Variants in TM9SF3 observed in about 807,000 individuals in gnomAD.
TM9SF3 encodes the protein SM-11044-binding protein.
A neutral mutation model predicts 78.6 loss-of-function variants in TM9SF3; 14 were observed. The ratio of observed to expected loss-of-function variants is 0.18; its 90% CI spans 0.12 to 0.28. TM9SF3 has a LOEUF of 0.28. TM9SF3 is among the 10% of genes least tolerant of loss of function. The pLI is 1.00. For synonymous variants in TM9SF3, 231 were observed against 241.7 expected (o/e 0.96, Z 0.41); for missense variants, 496 against 721.9 (o/e 0.69, Z 3.59).
At position 96,518,953 on chromosome 10, in the gene TM9SF3, A is replaced by C. The variant is rs180775918; in HGVS notation, c.*3310T>G. 6.6e-6 allele frequency: 1 copy of C among 152,150 alleles called. No homozygotes were observed. The highest frequency in any genetic ancestry group is 6.5e-5 in the Admixed American group (1 of 15,278). 9.4% of individuals were successfully genotyped at this position (152,150 alleles called of 1,614,324 possible). On this transcript the variant is annotated 3_prime_UTR_variant, in exon 15 of 15. Coordinates refer to ENST00000371142, the MANE Select transcript of TM9SF3 (RefSeq NM_020123.4). ...TTATTACATGTTCCAATAAACCAATAGAATGAAGCACTAAGACACGGTGAA... is the reference window on the plus strand; with the variant it reads ...TTATTACATGTTCCAATAAACCAATCGAATGAAGCACTAAGACACGGTGAA...
intron 2 of TM9SF3, among the ~76,000 whole-genome samples, chr10:96,575,230 A>G (rs1265210567): frequency 2.0e-5 from 3 of 152,172 alleles, no homozygotes; most frequent in Admixed American, 6.5e-5. Flanking sequence ...AATGCACACC[A>G]AATACGGAAA....
chr10:96,536,764 C>A (rs1022948738), intron 9 of TM9SF3, among the ~76,000 whole-genome samples: 1 of 152,098 alleles, frequency 6.6e-6, no homozygotes, highest in African/African-American at 2.4e-5. Flanking sequence ...TAAAGAATAG[C>A]AAATACATTT....
chr10:96,530,551 G>A lies in TM9SF3; in HGVS notation c.1383C>T (p.Ile461=), dbSNP rs1408286988. ...TTATCAAAACTTACATTTCAATAAA[G>A]ATTGAACCAAAAGGTAAAATTCCAC... ...CLGGILPFGS[I]FIEMYFIFTS... The change falls in exon 11 of 15, where the codon ATC becomes ATT. Residue 461 remains isoleucine (I), a synonymous_variant. Coordinates refer to ENST00000371142, the MANE Select transcript of TM9SF3 (RefSeq NM_020123.4). 1 of 1,610,798 alleles carries A rather than the reference G, an allele frequency of 6.2e-7. No homozygotes were observed. The highest frequency in any genetic ancestry group is 8.5e-7 in the Non-Finnish European group (1 of 1,178,254).
chr10:96,551,133 G>T, intron 7 of TM9SF3, 112 bp downstream of exon 7: 1 of 896,684 alleles, frequency 1.1e-6, no homozygotes, highest in African/African-American at 1.7e-5. Flanking sequence ...ATCATAAACT[G>T]TAAGATAAAG....
chr10:96,571,567 G>A (rs1848436973), intron 2 of TM9SF3, among the ~76,000 whole-genome samples: 1 of 152,114 alleles, frequency 6.6e-6, no homozygotes, highest in Non-Finnish European at 1.5e-5. Context: ...ATATCTGGAG[G>A]GAAATACCGC....
At chr10:96,548,851 G>A (rs1029080539) in intron 7 of TM9SF3, among the ~76,000 whole-genome samples, 2 of 145,164 alleles carry the variant, frequency 1.4e-5, no homozygotes, top group African/African-American at 5.1e-5. Flanking sequence ...TCAGACATAC[G>A]ATTTTAAAAA....
intron 4 of TM9SF3, chr10:96,560,767 C>A: frequency 3.5e-6 from 2 of 566,922 alleles, no homozygotes; most frequent in South Asian, 1.4e-5. Context: ...GCACAAAAGT[C>A]AAATCAGAAT....
intron 6 of TM9SF3, 38 bp from the exon 7 acceptor site, chr10:96,551,449 T>C (rs375858338): frequency 7.9e-6 from 11 of 1,398,454 alleles, no homozygotes; most frequent in Non-Finnish European, 1.0e-5. Context: ...GAAAAGCAAA[T>C]CATTCAGAAT....
chr10:96,520,788 T>C lies in TM9SF3; in HGVS notation c.*1475A>G, dbSNP rs1317338722. On this transcript the variant is annotated 3_prime_UTR_variant, in exon 15 of 15. Transcript: ENST00000371142. ...GAACAGATTTTGTGCCACAATTTCA[T>C]TCAAAGGGTTTGTCATTCACTTTAT... is the stretch of plus-strand genomic sequence containing the variant. The C allele has an allele frequency of 1.5e-5, 6 of 395,278 alleles. No homozygotes were observed. Among genetic ancestry groups the C allele is most frequent in the Middle Eastern group, 6.3e-4 (1 of 1,586 alleles). The allele number at this position is 395,278 out of a possible 1,614,324, so 24.5% of individuals were successfully genotyped here.
chr10:96,532,462 T>C (rs187684650), intron 10 of TM9SF3, among the ~76,000 whole-genome samples: 21 of 151,992 alleles, frequency 1.4e-4, no homozygotes, highest in Admixed American at 7.2e-4. Context: ...GTAAAATATC[T>C]AGGGACAGAG....
Position 96,522,094 on chromosome 10 carries a change from T to C in TM9SF3, c.*169A>G, listed in dbSNP as rs1847782897. ...TTGGAGAAAGCAGTCAGGAAGAACC[T>C]AGGATCAATGGAAATAGATGTTACT... On this transcript the variant is annotated 3_prime_UTR_variant, in exon 15 of 15. Transcript: ENST00000371142. The C allele has an allele frequency of 3.2e-6, 2 of 620,746 alleles. No homozygotes were observed. Among genetic ancestry groups the C allele is most frequent in the Non-Finnish European group, 5.7e-6 (2 of 353,114 alleles). 38.5% of individuals were successfully genotyped at this position (620,746 alleles called of 1,614,324 possible). A position where few individuals can be genotyped will look rare whatever the true frequency, so the allele number is the denominator to read the frequency against.
intron 5 of TM9SF3, among the ~76,000 whole-genome samples, chr10:96,557,463 C>A (rs1350438737): frequency 6.6e-6 from 1 of 152,190 alleles, no homozygotes; most frequent in African/African-American, 2.4e-5. Flanking sequence ...CCTGCTACCA[C>A]CCTTGACTTC....
chr10:96,559,679 G>T lies in TM9SF3; in HGVS notation c.640C>A (p.Pro214Thr), dbSNP rs1332030582. 1 of 1,594,154 alleles carries T rather than the reference G, an allele frequency of 6.3e-7. No individual in the cohort carries two copies. The change falls in exon 5 of 15, where the codon CCG (proline) becomes ACG (threonine). Residue 214 changes from proline to threonine, a missense_variant. Coordinates refer to ENST00000371142, the MANE Select transcript of TM9SF3 (RefSeq NM_020123.4). Reference protein sequence around the residue: ...FEDRFDKYLDPSFFQHRIHWF... With the variant: ...FEDRFDKYLDTSFFQHRIHWF... Reference sequence around the variant, plus strand: ...CCTACCCGATGTTGAAAAAAGGACGGATCAAGATATTTGTCAAATCGATCT... The same window carrying T: ...CCTACCCGATGTTGAAAAAAGGACGTATCAAGATATTTGTCAAATCGATCT...
rs115823198 is a variant in TM9SF3 at position 96,520,919 on chromosome 10, G to A, written c.*1344C>T. 445 of 397,146 alleles carry A rather than the reference G, an allele frequency of 1.1e-3. 1 individual carries two copies. Among genetic ancestry groups the A allele is most frequent in the African/African-American group, 6.6e-3 (323 of 48,610 alleles). 24.6% of individuals were successfully genotyped at this position (397,146 alleles called of 1,614,324 possible). A position where few individuals can be genotyped will look rare whatever the true frequency, so the allele number is the denominator to read the frequency against. On this transcript the variant is annotated 3_prime_UTR_variant, in exon 15 of 15. Transcript: ENST00000371142. ...TAGCATACTTTTAAAAATGGCATTCGGTAATTTTGCCTTCTGGACAGAAAG... is the reference window on the plus strand; with the variant it reads ...TAGCATACTTTTAAAAATGGCATTCAGTAATTTTGCCTTCTGGACAGAAAG...
chr10:96,571,316 C>G (rs1848434456), intron 2 of TM9SF3, among the ~76,000 whole-genome samples: 1 of 152,172 alleles, frequency 6.6e-6, no homozygotes, highest in Non-Finnish European at 1.5e-5. Flanking sequence ...ACCCTTCATA[C>G]AGCTAGACAC....
intron 11 of TM9SF3, 119 bp downstream of exon 11, chr10:96,530,421 C>A: frequency 1.3e-6 from 1 of 769,272 alleles, no homozygotes; most frequent in South Asian, 2.0e-5. Flanking sequence ...TTTCTGGAAT[C>A]ATGGAATTAA....
At chr10:96,581,595 C>G (rs946133978) in intron 1 of TM9SF3, among the ~76,000 whole-genome samples, 1 of 152,144 alleles carries the variant, frequency 6.6e-6, no homozygotes, top group African/African-American at 2.4e-5. Context: ...TTGAGTAGAG[C>G]TGAAAATAGG....
chr10:96,586,549 G>A (rs1848633041), intron 1 of TM9SF3, among the ~76,000 whole-genome samples, 185 bp downstream of exon 1: 1 of 152,214 alleles, frequency 6.6e-6, no homozygotes, highest in African/African-American at 2.4e-5. Context: ...CCCTGTCCCG[G>A]GAGCGCACGG....
At position 96,519,108 on chromosome 10, in the gene TM9SF3, T is replaced by G. The variant is rs1016322585; in HGVS notation, c.*3155A>C. 6 of 152,080 alleles carry G rather than the reference T, an allele frequency of 3.9e-5. No individual in the cohort carries two copies. Among genetic ancestry groups the G allele is most frequent in the Admixed American group, 2.0e-4 (3 of 15,262 alleles). 9.4% of individuals were successfully genotyped at this position (152,080 alleles called of 1,614,324 possible). A position where few individuals can be genotyped will look rare whatever the true frequency, so the allele number is the denominator to read the frequency against. ...CAAATACATTAATACACTTTTTGTTTTTTACATTTGTAAAAATTCAAGGTT... is the reference window on the plus strand; with the variant it reads ...CAAATACATTAATACACTTTTTGTTGTTTACATTTGTAAAAATTCAAGGTT... On this transcript the variant is annotated 3_prime_UTR_variant, in exon 15 of 15. Coordinates refer to ENST00000371142, the MANE Select transcript of TM9SF3 (RefSeq NM_020123.4).
Sources: gnomAD v4.1 joint callset for allele counts (sites outside exome capture counted in the v4.1 genomes callset) on GRCh38, gnomAD v4.1.1 for gene constraint, MANE v1.5 for transcripts, NCBI Gene and HGNC (gene_info 2026-07-23, HGNC 2026-07-21) for gene names.